Variants in NCKAP5 observed in about 807,000 individuals in gnomAD.
The protein encoded by NCKAP5 is nck-associated protein 5.
Under a neutral mutation model 167.0 loss-of-function variants are expected in NCKAP5, and 92 were observed. The observed-to-expected ratio is 0.55, with a 90% CI of 0.47 to 0.66. The LOEUF (loss-of-function observed/expected upper bound fraction) is 0.66. Among genes scored for constraint, NCKAP5 ranks in the 30% least tolerant of loss-of-function variants. The pLI is 0.00. For synonymous variants in NCKAP5, 891 were observed against 877.4 expected (o/e 1.02, Z -0.27); for missense variants, 2,378 against 2,315.0 (o/e 1.03, Z -0.56).
In NCKAP5 at chr2:132,725,615, G is replaced by C; in HGVS notation, c.5713+12C>G. On this transcript the variant is annotated intron_variant, in intron 19 of 19. Coordinates refer to ENST00000409261, the MANE Select transcript of NCKAP5 (RefSeq NM_207363.3). The stretch of plus-strand genomic sequence containing the variant: ...AGGAACCTGCAGGGCCAGCAAGTTC[G>C]CTGGTTGTTACCTGGGGCAGCGCTC... 1 of 1,602,140 alleles carries C rather than the reference G, an allele frequency of 6.2e-7. No individual in the cohort carries two copies. Among genetic ancestry groups the C allele is most frequent in the South Asian group, 1.1e-5 (1 of 88,260 alleles).
intron 4 of NCKAP5, among the ~76,000 whole-genome samples, chr2:133,289,862 A>G (rs1679444403): frequency 6.6e-6 from 1 of 152,210 alleles, no homozygotes; most frequent in Non-Finnish European, 1.5e-5. Context: ...GGTGGAAGCC[A>G]AAGCAGGCAC....
intron 8 of NCKAP5, among the ~76,000 whole-genome samples, chr2:132,884,084 C>T (rs1210565631): frequency 6.6e-6 from 1 of 152,182 alleles, no homozygotes; most frequent in Non-Finnish European, 1.5e-5. Flanking sequence ...CTTCAGGTTA[C>T]AGTTTTGATC....
At chr2:133,242,676 C>A (rs995672588) in intron 4 of NCKAP5, among the ~76,000 whole-genome samples, 3 of 152,190 alleles carry the variant, frequency 2.0e-5, no homozygotes, top group Non-Finnish European at 4.4e-5. Context: ...CAGCTCCAAT[C>A]TATCGACTTT....
intron 3 of NCKAP5, among the ~76,000 whole-genome samples, chr2:133,512,683 T>C (rs931197286): frequency 1.3e-5 from 2 of 152,118 alleles, no homozygotes; most frequent in African/African-American, 2.4e-5. Flanking sequence ...ACAGCAGAGA[T>C]TTAAATTCAA....
Position 132,731,877 on chromosome 2 carries a change from G to C in NCKAP5, c.5303C>G (p.Thr1768Ser). 1 of 1,613,920 alleles carries C rather than the reference G, an allele frequency of 6.2e-7. No individual in the cohort carries two copies. Among genetic ancestry groups the C allele is most frequent in the Non-Finnish European group, 8.5e-7 (1 of 1,179,880 alleles). The change falls in exon 17 of 20, where the codon ACC (threonine) becomes AGC (serine). Residue 1768 changes from threonine to serine, a missense_variant. Physicochemically the swap from Thr to Ser is moderately conservative, Grantham distance 58 (BLOSUM62 1). Around this residue, in one of 3 missense-constraint regions of NCKAP5, gnomAD observed 1,325 missense variants for 1,274.5 expected, o/e 1.04. Transcript: ENST00000409261. ...LSAVSSMRAQTLEREVPSSTD... is the reference protein window; with the variant it reads ...LSAVSSMRAQSLEREVPSSTD... ...GGAGGAAGGCACTTCACGTTCAAGG[G>C]TTTGGGCTCTCATGGAAGAAACTGC...
At chr2:132,836,978 T>A (rs1022883592) in intron 11 of NCKAP5, among the ~76,000 whole-genome samples, 1 of 152,244 alleles carries the variant, frequency 6.6e-6, no homozygotes, top group Non-Finnish European at 1.5e-5. Context: ...ATTCTTTTGT[T>A]GGTTATGAGT....
intron 5 of NCKAP5, among the ~76,000 whole-genome samples, chr2:133,199,263 G>T (rs1295796308): frequency 1.3e-5 from 2 of 151,940 alleles, no homozygotes; most frequent in Non-Finnish European, 2.9e-5. Flanking sequence ...ATACTAGACT[G>T]CTTCTGTTCA....
chr2:133,427,317 A>G (rs1689876421), intron 3 of NCKAP5, among the ~76,000 whole-genome samples: 1 of 152,208 alleles, frequency 6.6e-6, no homozygotes, highest in Non-Finnish European at 1.5e-5. Context: ...TTTTTAAGCA[A>G]AACATTAATG....
chr2:133,413,031 T>C (rs536221838), intron 3 of NCKAP5, among the ~76,000 whole-genome samples: 1 of 152,318 alleles, frequency 6.6e-6, no homozygotes, highest in African/African-American at 2.4e-5. Flanking sequence ...AGGCATATCA[T>C]GGGCCAAAGC....
intron 5 of NCKAP5, among the ~76,000 whole-genome samples, chr2:133,179,210 A>G (rs2084623700): frequency 6.6e-6 from 1 of 151,954 alleles, no homozygotes; most frequent in African/African-American, 2.4e-5. Flanking sequence ...AAAGGCTTGG[A>G]ACCAGAATTG....
chr2:133,615,932 A>AC, the NCKAP5 span, among the ~76,000 whole-genome samples: 1 of 151,270 alleles, frequency 6.6e-6, no homozygotes, highest in South Asian at 2.1e-4. Flanking sequence ...GTAAAAGAAC[A>AC]GAAATTATAA....
rs183731894 is a variant in NCKAP5 at position 132,865,974 on chromosome 2, C to T, written c.687+2962G>A. On this transcript the variant is annotated intron_variant, in intron 10 of 19. Transcript: ENST00000409261. The stretch of plus-strand genomic sequence containing the variant: ...CAGACCACTGCTAGAGAAGTGGACA[C>T]GGATGGTTCAATTGCCCCTTTACAG... 2.0e-3 allele frequency among the ~76,000 whole-genome samples: 297 copies of T among 152,252 alleles called. 3 individuals carry two copies. The highest frequency in any genetic ancestry group is 0.014 in the Middle Eastern group (4 of 292).
At chr2:133,547,116 C>A (rs894488528) in intron 2 of NCKAP5, among the ~76,000 whole-genome samples, 1 of 152,168 alleles carries the variant, frequency 6.6e-6, no homozygotes, top group East Asian at 1.9e-4. Flanking sequence ...AAAGGGGTGA[C>A]GGACGCACCT....
intron 5 of NCKAP5, among the ~76,000 whole-genome samples, chr2:133,162,680 T>G (rs532226368): frequency 8.9e-4 from 134 of 150,212 alleles, no homozygotes; most frequent in Non-Finnish European, 1.5e-3. Flanking sequence ...TGCAACATTG[T>G]TTTTTTTTGT....
Position 133,366,756 on chromosome 2 carries a change from A to C in NCKAP5, c.70-63646T>G, listed in dbSNP as rs533353648. Among the ~76,000 whole-genome samples the C allele has an allele frequency of 4.6e-5, 7 of 152,268 alleles. No homozygotes were observed. The East Asian group carries it at 1.3e-3, about 29-fold the overall frequency. ...AGTTATTTTTGATTTAATGTGACTC[A>C]AAATCAGAACTTAAAGAGACTTTAA... On this transcript the variant is annotated intron_variant, in intron 3 of 19. Coordinates refer to ENST00000409261, the MANE Select transcript of NCKAP5 (RefSeq NM_207363.3).
At chr2:132,736,995 T>C (rs1168847368) in intron 16 of NCKAP5, among the ~76,000 whole-genome samples, 7 of 152,230 alleles carry the variant, frequency 4.6e-5, no homozygotes, top group Non-Finnish European at 7.3e-5. Context: ...CATTGTTCCA[T>C]GTGCCTTCTC....
At chr2:133,258,109 A>G (rs2088714479) in intron 4 of NCKAP5, among the ~76,000 whole-genome samples, 2 of 152,206 alleles carry the variant, frequency 1.3e-5, no homozygotes, top group African/African-American at 4.8e-5. Context: ...TTGAGAAAGC[A>G]TTTGGACTAT....
chr2:133,178,032 G>C (rs925775712), intron 5 of NCKAP5, among the ~76,000 whole-genome samples: 1 of 152,168 alleles, frequency 6.6e-6, no homozygotes, highest in Non-Finnish European at 1.5e-5. Flanking sequence ...AGCTGTGGAA[G>C]CCTAGTAGGG....
chr2:133,492,277 T>A (rs1386317673), intron 3 of NCKAP5, among the ~76,000 whole-genome samples: 1 of 152,062 alleles, frequency 6.6e-6, no homozygotes, highest in African/African-American at 2.4e-5. Flanking sequence ...ACCACATAAG[T>A]GAAATTAGTT....
Sources: gnomAD v4.1 joint callset for allele counts (sites outside exome capture counted in the v4.1 genomes callset) on GRCh38, gnomAD v4.1.1 for gene constraint, gnomAD v4.1.1 regional missense constraint, MANE v1.5 for transcripts, NCBI Gene and HGNC (gene_info 2026-07-23, HGNC 2026-07-21) for gene names.